RAB3C: variants seen among roughly 807,000 people sequenced by gnomAD.
RAB3C encodes RAB3C, member RAS oncogene family.
A neutral mutation model predicts 26.4 loss-of-function variants in RAB3C; 17 were observed. That is an observed-to-expected ratio of 0.64 (90% CI 0.44 to 0.97). The LOEUF (loss-of-function observed/expected upper bound fraction) is 0.97. Among genes scored for constraint, RAB3C ranks in the 50% least tolerant of loss-of-function variants. The pLI is 0.00. For missense variants in RAB3C, 242 were observed against 281.9 expected (o/e 0.86, Z 1.01); for synonymous variants, 91 against 95.9 (o/e 0.95, Z 0.30).
intron 1 of RAB3C, among the ~76,000 whole-genome samples, chr5:58,596,380 C>A (rs1207368958): frequency 6.7e-6 from 1 of 149,762 alleles, no homozygotes; most frequent in Non-Finnish European, 1.5e-5. Flanking sequence ...GTCTACTTCT[C>A]TCTGTCTATA....
At chr5:58,782,706 C>A (rs1020251147) in intron 3 of RAB3C, among the ~76,000 whole-genome samples, 4 of 152,018 alleles carry the variant, frequency 2.6e-5, no homozygotes, top group African/African-American at 4.8e-5. Context: ...TTTGAGAATT[C>A]TACAGAATTG....
chr5:58,771,353 A>G (rs1391934678), intron 3 of RAB3C, among the ~76,000 whole-genome samples: 1 of 152,182 alleles, frequency 6.6e-6, no homozygotes, highest in Non-Finnish European at 1.5e-5. Context: ...TTAGCTAAAT[A>G]CTAGTAATTT....
chr5:58,643,807 A>G (rs1341868940), intron 2 of RAB3C, among the ~76,000 whole-genome samples: 1 of 152,194 alleles, frequency 6.6e-6, no homozygotes, highest in Non-Finnish European at 1.5e-5. Context: ...AAATTGCTAA[A>G]GCAATACTGT....
intron 2 of RAB3C, among the ~76,000 whole-genome samples, chr5:58,622,541 C>T (rs1276309276): frequency 6.6e-6 from 1 of 152,142 alleles, no homozygotes; most frequent in Admixed American, 6.5e-5. Context: ...CCAACTGTCT[C>T]ACTACAGGAT....
At chr5:58,632,887 C>T (rs1188258038) in intron 2 of RAB3C, among the ~76,000 whole-genome samples, 1 of 152,184 alleles carries the variant, frequency 6.6e-6, no homozygotes, top group Non-Finnish European at 1.5e-5. Flanking sequence ...CTCCTATTCA[C>T]TACATTCTTA....
At chr5:58,643,053 A>G (rs1359416907) in intron 2 of RAB3C, among the ~76,000 whole-genome samples, 1 of 152,238 alleles carries the variant, frequency 6.6e-6, no homozygotes, top group Non-Finnish European at 1.5e-5. Flanking sequence ...TTTTCAACTG[A>G]GAGCAGTTTG....
At chr5:58,606,646 C>T (rs183754219) in intron 1 of RAB3C, among the ~76,000 whole-genome samples, 52 of 152,220 alleles carry the variant, frequency 3.4e-4, no homozygotes, top group Admixed American at 2.8e-3. Context: ...CAGTAGGGTC[C>T]GACAGACCTC....
intron 3 of RAB3C, among the ~76,000 whole-genome samples, chr5:58,817,693 G>A (rs995166076): frequency 2.0e-5 from 3 of 152,084 alleles, no homozygotes; most frequent in Non-Finnish European, 4.4e-5. Flanking sequence ...AAATCACCTG[G>A]AGATTTCTTT....
At chr5:58,778,767 C>T (rs1304051256) in intron 3 of RAB3C, among the ~76,000 whole-genome samples, 1 of 152,006 alleles carries the variant, frequency 6.6e-6, no homozygotes, top group Middle Eastern at 3.2e-3. Flanking sequence ...AAATGAGTCC[C>T]ACATATATGT....
chr5:58,818,898 A>G (rs910794214), intron 3 of RAB3C, among the ~76,000 whole-genome samples: 1 of 152,206 alleles, frequency 6.6e-6, no homozygotes, highest in African/African-American at 2.4e-5. Flanking sequence ...TATTCAACAA[A>G]CATTTGTCAT....
chr5:58,771,059 A>G (rs564483808), intron 3 of RAB3C, among the ~76,000 whole-genome samples: 5 of 152,288 alleles, frequency 3.3e-5, no homozygotes, highest in Non-Finnish European at 5.9e-5. Context: ...ATGTTTCCCT[A>G]TTATATCTGA....
At chr5:58,835,018 G>A (rs114594810) in intron 4 of RAB3C, among the ~76,000 whole-genome samples, 289 of 152,256 alleles carry the variant, frequency 1.9e-3, no homozygotes, top group African/African-American at 6.6e-3. Flanking sequence ...ATTTCCCAGT[G>A]TAAGTATTAA....
intron 2 of RAB3C, among the ~76,000 whole-genome samples, chr5:58,675,149 A>G (rs1259102167): frequency 6.6e-6 from 1 of 152,056 alleles, no homozygotes; most frequent in Non-Finnish European, 1.5e-5. Context: ...AACCTGTCTC[A>G]GGCTCAATAT....
At chr5:58,779,526 A>G (rs901240294) in intron 3 of RAB3C, among the ~76,000 whole-genome samples, 6 of 152,040 alleles carry the variant, frequency 3.9e-5, no homozygotes, top group South Asian at 2.1e-4. Context: ...CTAGGACTAC[A>G]GGCACTCACC....
chr5:58,696,222 C>T (rs998334744), intron 2 of RAB3C, among the ~76,000 whole-genome samples: 4 of 152,100 alleles, frequency 2.6e-5, no homozygotes, highest in South Asian at 2.1e-4. Context: ...TGATGAATTA[C>T]GTTTATTGAT....
chr5:58,595,830 G>A (rs569453244), intron 1 of RAB3C, among the ~76,000 whole-genome samples: 1 of 152,196 alleles, frequency 6.6e-6, no homozygotes, highest in Admixed American at 6.5e-5. Flanking sequence ...GAAACCTTAT[G>A]TATATTTTAT....
intron 3 of RAB3C, among the ~76,000 whole-genome samples, chr5:58,737,515 A>C (rs1741177245): frequency 6.8e-6 from 1 of 146,818 alleles, no homozygotes; most frequent in Admixed American, 6.9e-5. Context: ...TGGGATAAGA[A>C]TCTCTGTCCC....
intron 3 of RAB3C, among the ~76,000 whole-genome samples, chr5:58,811,551 A>G (rs1210538791): frequency 1.3e-5 from 2 of 152,166 alleles, no homozygotes; most frequent in Non-Finnish European, 2.9e-5. Context: ...GGCCTAGGAA[A>G]GGGACAACAG....
chr5:58,689,580 G>T (rs1748518382), intron 2 of RAB3C, among the ~76,000 whole-genome samples: 1 of 152,088 alleles, frequency 6.6e-6, no homozygotes, highest in South Asian at 2.1e-4. Context: ...TTTGGATTGT[G>T]GGGGTGGTTA....
Sources: allele counts gnomAD v4.1 joint callset (sites outside exome capture counted in the v4.1 genomes callset), GRCh38; gene constraint gnomAD v4.1.1; transcripts MANE v1.5; gene names NCBI Gene and HGNC (gene_info 2026-07-23, HGNC 2026-07-21).